FARS2: variants seen among roughly 807,000 people sequenced by gnomAD.
FARS2 encodes phenylalanyl-tRNA synthetase 2, mitochondrial, also known as phenylalanine--tRNA ligase, mitochondrial.
Under a neutral mutation model 46.4 loss-of-function variants are expected in FARS2, and 40 were observed. The observed-to-expected ratio is 0.86, with a 90% CI of 0.67 to 1.12. The LOEUF (loss-of-function observed/expected upper bound fraction) is 1.12. Ranked by LOEUF, FARS2 falls within the 50% of genes most tolerant of loss-of-function variation. The pLI, the probability that FARS2 is intolerant of heterozygous loss-of-function variation, is 0.00. For synonymous variants in FARS2, 234 were observed against 214.9 expected (o/e 1.09, Z -0.78); for missense variants, 513 against 567.9 (o/e 0.90, Z 0.98).
chr6:5,690,131 T>C (rs1757583900), intron 6 of FARS2, among the ~76,000 whole-genome samples: 1 of 152,238 alleles, frequency 6.6e-6, no homozygotes. Flanking sequence ...AGCACACTGA[T>C]GGGTCTTGAC....
intron 5 of FARS2, among the ~76,000 whole-genome samples, chr6:5,569,860 G>T (rs1772539864): frequency 6.6e-6 from 1 of 152,116 alleles, no homozygotes; most frequent in Admixed American, 6.5e-5. Context: ...AGAGTGCAAA[G>T]GTCAACAGGT....
intron 4 of FARS2, among the ~76,000 whole-genome samples, chr6:5,450,465 C>G (rs1764421770): frequency 6.6e-6 from 1 of 151,718 alleles, no homozygotes. Context: ...GCTCCAGCTC[C>G]CCCATGCCGT....
At chr6:5,549,354 C>T (rs1771237352) in intron 5 of FARS2, among the ~76,000 whole-genome samples, 1 of 152,194 alleles carries the variant, frequency 6.6e-6, no homozygotes, top group Non-Finnish European at 1.5e-5. Flanking sequence ...ACGACAGACC[C>T]TGGTGTGTGA....
intron 6 of FARS2, among the ~76,000 whole-genome samples, chr6:5,730,300 T>C (rs1760539404): frequency 6.6e-6 from 1 of 152,098 alleles, no homozygotes; most frequent in African/African-American, 2.4e-5. Context: ...AATTGATTGA[T>C]TGAGGATAGA....
intron 4 of FARS2, among the ~76,000 whole-genome samples, chr6:5,516,230 T>C (rs907635255): frequency 5.3e-5 from 8 of 152,200 alleles, no homozygotes; most frequent in Admixed American, 1.3e-4. Flanking sequence ...CACGTTTCAC[T>C]TTCACACATA....
intron 1 of FARS2, among the ~76,000 whole-genome samples, chr6:5,342,966 GC>G (rs1581833244): frequency 6.6e-6 from 1 of 152,082 alleles, no homozygotes; most frequent in East Asian, 1.9e-4. Flanking sequence ...GGGTCCATTC[GC>G]TAGGTATACA....
At chr6:5,708,560 A>G (rs7756967) in intron 6 of FARS2, among the ~76,000 whole-genome samples, 84,537 of 152,078 alleles carry the variant, frequency 0.56, 24,290 homozygotes, top group African/African-American at 0.63. Context: ...AGTGGCAACC[A>G]AGTGTAAAGC....
rs181561127 is a variant in FARS2 at position 5,375,403 on chromosome 6, G to A, written c.612+6221G>A. Among the ~76,000 whole-genome samples the A allele has an allele frequency of 4.2e-4, 64 of 151,982 alleles. 2 individuals are homozygous for A. In the East Asian group the frequency reaches 9.7e-3, roughly 23 times the overall value. On this transcript the variant is annotated intron_variant, in intron 2 of 6. Transcript: ENST00000274680. ...ATAAAATTATTAAATATTATTAAAA[G>A]ACATAGAAGAACATAAGGAGAGATT...
At chr6:5,372,826 A>G (rs1221036811) in intron 2 of FARS2, among the ~76,000 whole-genome samples, 2 of 152,204 alleles carry the variant, frequency 1.3e-5, no homozygotes, top group East Asian at 3.8e-4. Flanking sequence ...GGTATTTGTC[A>G]TATCTTTCGC....
At position 5,636,910 on chromosome 6, in the gene FARS2, G is replaced by A. The variant is rs181111333; in HGVS notation, c.1217+23590G>A. Among the ~76,000 whole-genome samples the A allele has an allele frequency of 1.6e-4, 24 of 152,358 alleles. No homozygotes were observed. The South Asian group carries it at 2.9e-3, about 18-fold the overall frequency. ...ACAGAAGCAGCTGGTGCGGCAAAGG[G>A]ACCTCAGGTAGTGAGCACAGCGTGC... On this transcript the variant is annotated intron_variant, in intron 6 of 6. Coordinates refer to ENST00000274680, the MANE Select transcript of FARS2 (RefSeq NM_006567.5).
At chr6:5,558,414 T>C (rs973805327) in intron 5 of FARS2, among the ~76,000 whole-genome samples, 1 of 152,174 alleles carries the variant, frequency 6.6e-6, no homozygotes, top group Non-Finnish European at 1.5e-5. Flanking sequence ...AGATGAAGAA[T>C]GTGGTTAAAG....
At chr6:5,710,913 A>G (rs1759103656) in intron 6 of FARS2, among the ~76,000 whole-genome samples, 1 of 152,230 alleles carries the variant, frequency 6.6e-6, no homozygotes, top group Admixed American at 6.5e-5. Context: ...TATGATACTC[A>G]GAAGGGTATT....
chr6:5,764,084 G>A lies in FARS2; in HGVS notation c.1218-7207G>A, dbSNP rs968573470. ...TGGGGCGGATGCGTAGGTATGGAGC[G>A]CCTACTCTGGGTGGCTGGCTCTGTA... On this transcript the variant is annotated intron_variant, in intron 6 of 6. Coordinates refer to ENST00000274680, the MANE Select transcript of FARS2 (RefSeq NM_006567.5). The surrounding 1 kb of genome is among the most constrained non-coding windows in gnomAD (Gnocchi z 4.1). 6.6e-6 allele frequency among the ~76,000 whole-genome samples: 1 copy of A among 152,214 alleles called. No homozygotes were observed. The highest frequency in any genetic ancestry group is 3.4e-3 in the Middle Eastern group (1 of 294).
chr6:5,461,581 G>T (rs1223461555), intron 4 of FARS2, among the ~76,000 whole-genome samples: 1 of 152,028 alleles, frequency 6.6e-6, no homozygotes, highest in African/African-American at 2.4e-5. Flanking sequence ...TTTTTTGAGA[G>T]GGGGGTCTCA....
chr6:5,713,000 A>G (rs1759277367), intron 6 of FARS2, among the ~76,000 whole-genome samples: 2 of 152,224 alleles, frequency 1.3e-5, no homozygotes, highest in Admixed American at 1.3e-4. Flanking sequence ...TCTGGAAGTA[A>G]GAGAAAGAGC....
intron 6 of FARS2, among the ~76,000 whole-genome samples, chr6:5,655,674 A>G (rs1019187767): frequency 6.6e-6 from 1 of 152,168 alleles, no homozygotes; most frequent in African/African-American, 2.4e-5. Context: ...GTGTCCACCC[A>G]GACAATACAC....
intron 6 of FARS2, among the ~76,000 whole-genome samples, chr6:5,645,628 C>T (rs1777039900): frequency 6.6e-6 from 1 of 152,192 alleles, no homozygotes; most frequent in Non-Finnish European, 1.5e-5. Flanking sequence ...AAAAATGAAG[C>T]TGGTGCATGT....
chr6:5,613,087 C>T, intron 5 of FARS2, 82 bp from the exon 6 acceptor site: 1 of 1,211,996 alleles, frequency 8.3e-7, no homozygotes, highest in Non-Finnish European at 1.2e-6. Flanking sequence ...CCTAATTAGT[C>T]AAGTGCAACT....
chr6:5,731,475 C>G (rs373891182), intron 6 of FARS2, among the ~76,000 whole-genome samples: 1 of 152,184 alleles, frequency 6.6e-6, no homozygotes, highest in Non-Finnish European at 1.5e-5. Context: ...TCTGCACTCA[C>G]GCCCTGGGCT....
Sources: allele counts gnomAD v4.1 joint callset (sites outside exome capture counted in the v4.1 genomes callset), GRCh38; gene constraint gnomAD v4.1.1; non-coding constraint Gnocchi (gnomAD v3.1); transcripts MANE v1.5; gene names NCBI Gene and HGNC (gene_info 2026-07-23, HGNC 2026-07-21).